The following COL19A1 variants were observed in gnomAD, a reference collection of about 807,000 sequenced individuals.
COL19A1 encodes collagen type XIX alpha 1 chain.
COL19A1 carries 159 observed loss-of-function variants against 190.2 expected under a neutral mutation model. The ratio of observed to expected loss-of-function variants is 0.84; its 90% confidence interval spans 0.73 to 0.95. The LOEUF (loss-of-function observed/expected upper bound fraction) is 0.95. Among genes scored for constraint, COL19A1 ranks in the 40% least tolerant of loss-of-function variants. COL19A1 has a pLI of 0.00. For missense variants in COL19A1, 1,418 were observed against 1,431.9 expected (o/e 0.99, Z 0.16); for synonymous variants, 509 against 458.9 (o/e 1.11, Z -1.39).
intron 2 of COL19A1, among the ~76,000 whole-genome samples, chr6:69,892,066 C>G (rs1769388873): frequency 6.6e-6 from 1 of 152,212 alleles, no homozygotes; most frequent in Non-Finnish European, 1.5e-5. Context: ...TTGTGAGACA[C>G]CCAGATAACT....
chr6:70,022,006 A>AT (rs1479735884), intron 11 of COL19A1, among the ~76,000 whole-genome samples: 1 of 151,920 alleles, frequency 6.6e-6, no homozygotes, highest in African/African-American at 2.4e-5. Flanking sequence ...TGATTACGTT[A>AT]TTTTTTACTT....
chr6:70,033,059 A>G (rs1779157286), intron 12 of COL19A1, among the ~76,000 whole-genome samples: 1 of 152,188 alleles, frequency 6.6e-6, no homozygotes, highest in Admixed American at 6.5e-5. Context: ...TAATGATGGA[A>G]AAAATAATAA....
At chr6:70,178,469 G>A (rs1765953391) in intron 42 of COL19A1, among the ~76,000 whole-genome samples, 1 of 152,150 alleles carries the variant, frequency 6.6e-6, no homozygotes, top group South Asian at 2.1e-4. Context: ...AGTTAAAGAT[G>A]CATGTTAGAT....
chr6:69,868,315 TG>T (rs2149927129), intron 1 of COL19A1, among the ~76,000 whole-genome samples: 1 of 152,088 alleles, frequency 6.6e-6, no homozygotes, highest in Admixed American at 6.5e-5. Flanking sequence ...ATCTTTGATA[TG>T]GGCCTGCAAA....
At chr6:70,050,978 A>C (rs1780170131) in intron 14 of COL19A1, among the ~76,000 whole-genome samples, 1 of 152,030 alleles carries the variant, frequency 6.6e-6, no homozygotes, top group Non-Finnish European at 1.5e-5. Flanking sequence ...AATATGAACT[A>C]TTTTGATTTA....
intron 1 of COL19A1, among the ~76,000 whole-genome samples, chr6:69,872,005 C>T (rs1437354101): frequency 9.2e-5 from 14 of 151,892 alleles, no homozygotes; most frequent in Non-Finnish European, 1.3e-4. Context: ...TTGGTAGAGA[C>T]GGGTTTTCAC....
intron 14 of COL19A1, among the ~76,000 whole-genome samples, chr6:70,062,302 G>T (rs1237781069): frequency 6.6e-6 from 1 of 151,958 alleles, no homozygotes; most frequent in African/African-American, 2.4e-5. Context: ...TCAAATGAAA[G>T]CCATCTGATT....
chr6:70,034,798 A>G (rs1779261731), intron 13 of COL19A1, among the ~76,000 whole-genome samples: 1 of 152,218 alleles, frequency 6.6e-6, no homozygotes, highest in Admixed American at 6.5e-5. Context: ...GGTTGTTTTG[A>G]ATAAAGTAGT....
intron 14 of COL19A1, among the ~76,000 whole-genome samples, chr6:70,062,917 A>G (rs1180318064): frequency 5.3e-5 from 8 of 152,150 alleles, no homozygotes; most frequent in Non-Finnish European, 8.8e-5. Flanking sequence ...GATCAATTCA[A>G]CAAGAAGAGC....
At chr6:70,069,840 A>G (rs1454591406) in intron 15 of COL19A1, among the ~76,000 whole-genome samples, 15 of 152,158 alleles carry the variant, frequency 9.9e-5, no homozygotes, top group Admixed American at 9.2e-4. Context: ...CCCTAATAGC[A>G]TTCTATTCTT....
intron 11 of COL19A1, among the ~76,000 whole-genome samples, chr6:69,971,531 C>T (rs1468223223): frequency 6.6e-6 from 1 of 152,112 alleles, no homozygotes; most frequent in South Asian, 2.1e-4. Context: ...ATTCCAAAAT[C>T]CAAAGCCATC....
chr6:69,929,579 T>C lies in COL19A1; in HGVS notation c.545T>C (p.Val182Ala), dbSNP rs748281349. ...CTTGGCATTAGTATACAATCCCAGG[T>C]CATTTCACTTTATATGGATTGTAAT... ...HKLGISIQSQ[V>A]ISLYMDCNLI... Residue 182 changes from valine to alanine, a missense_variant, in exon 6 of 51, where the codon GTC becomes GCC. Coordinates refer to ENST00000620364, the MANE Select transcript of COL19A1 (RefSeq NM_001858.6). 1.9e-6 allele frequency: 3 copies of C among 1,614,026 alleles called. No individual in the cohort carries two copies. The highest frequency in any genetic ancestry group is 2.5e-6 in the Non-Finnish European group (3 of 1,179,968).
At chr6:70,074,858 A>G (rs1422959837) in intron 15 of COL19A1, among the ~76,000 whole-genome samples, 2 of 152,188 alleles carry the variant, frequency 1.3e-5, no homozygotes, top group Non-Finnish European at 2.9e-5. Context: ...TAAAACGATG[A>G]CTGGTGTCCT....
chr6:69,929,101 A>G (rs1449552155), intron 5 of COL19A1, among the ~76,000 whole-genome samples: 1 of 151,906 alleles, frequency 6.6e-6, no homozygotes, highest in Non-Finnish European at 1.5e-5. Flanking sequence ...TATAGTGTAT[A>G]TAAATTATGT....
intron 11 of COL19A1, among the ~76,000 whole-genome samples, chr6:69,966,154 G>A (rs1448325971): frequency 1.3e-5 from 2 of 152,090 alleles, no homozygotes; most frequent in Non-Finnish European, 2.9e-5. Flanking sequence ...GGGAGGTGGG[G>A]GGCAGCCCCC....
At chr6:69,888,951 T>C (rs1769138568) in intron 2 of COL19A1, among the ~76,000 whole-genome samples, 3 of 152,174 alleles carry the variant, frequency 2.0e-5, no homozygotes, top group Non-Finnish European at 4.4e-5. Context: ...CAAAGTAGGA[T>C]GTGTACAGGG....
chr6:70,170,986 A>G (rs1765464554), intron 40 of COL19A1, among the ~76,000 whole-genome samples: 1 of 152,180 alleles, frequency 6.6e-6, no homozygotes, highest in South Asian at 2.1e-4. Context: ...ACATTAATTT[A>G]TTAACAAGAA....
In COL19A1 at chr6:70,023,604, T is replaced by C. The variant is rs2273427; in HGVS notation, c.1027-23T>C. ...AGGTTTTCAGATATAAGATTTTTCATTGTATAAATTGTTTCTTTTTAGGGT... is the reference window on the plus strand; with the variant it reads ...AGGTTTTCAGATATAAGATTTTTCACTGTATAAATTGTTTCTTTTTAGGGT... On this transcript the variant is annotated intron_variant, in intron 11 of 50. Transcript: ENST00000620364. The C allele has an allele frequency of 1.4e-4, 229 of 1,586,070 alleles. 3 individuals carry two copies. The East Asian group carries it at 5.1e-3, about 36-fold the overall frequency.
intron 2 of COL19A1, among the ~76,000 whole-genome samples, chr6:69,888,061 G>C (rs1319468702): frequency 6.6e-6 from 1 of 152,148 alleles, no homozygotes; most frequent in Non-Finnish European, 1.5e-5. Flanking sequence ...CTGCTGACAG[G>C]GTGTGCTGTT....
Sources: allele counts gnomAD v4.1 joint callset (sites outside exome capture counted in the v4.1 genomes callset), GRCh38; gene constraint gnomAD v4.1.1; transcripts MANE v1.5; gene names NCBI Gene and HGNC (gene_info 2026-07-23, HGNC 2026-07-21).